KCNIP4: variants seen among roughly 807,000 people sequenced by gnomAD.
KCNIP4 encodes the protein potassium voltage-gated channel interacting protein 4.
KCNIP4 carries 12 observed loss-of-function variants against 34.0 expected under a neutral mutation model. That is an observed-to-expected ratio of 0.35 (90% CI 0.23 to 0.57). The LOEUF is 0.57. Ranked by LOEUF, KCNIP4 falls within the 20% of genes least tolerant of loss-of-function variation. The pLI, the probability that KCNIP4 is intolerant of heterozygous loss-of-function variation, is 0.83. For synonymous variants in KCNIP4, 124 were observed against 102.2 expected, an observed-to-expected ratio of 1.21 and a Z score of -1.29; for missense variants, 238 against 311.7, an observed-to-expected ratio of 0.76 and a Z score of 1.78.
rs1434467707 is a variant in KCNIP4, at chr4:21,761,159, T to C, written c.61+187412A>G. Among the ~76,000 whole-genome samples the C allele has an allele frequency of 4.6e-5, 7 of 152,232 alleles. No homozygotes were observed. In the East Asian group the frequency reaches 1.4e-3, roughly 29 times the overall value. On this transcript the variant is annotated intron_variant, in intron 1 of 8. Transcript: ENST00000382152. ...CTCTGTTGCCCAGGCTGGAGTGCTG[T>C]AGCATGATCATAACTCACTATAGCC...
intron 1 of KCNIP4, among the ~76,000 whole-genome samples, chr4:21,876,961 T>C (rs1726155083): frequency 6.6e-6 from 1 of 151,542 alleles, no homozygotes; most frequent in African/African-American, 2.4e-5. Flanking sequence ...CAGGCACCAC[T>C]CAATTGCCTG....
chr4:20,842,581 C>CAAAAAAAAAAGAAAAAAAAAAAA (rs1719879996), intron 3 of KCNIP4, among the ~76,000 whole-genome samples: 1 of 69,688 alleles, frequency 1.4e-5, no homozygotes, highest in African/African-American at 5.9e-5. Flanking sequence ...CTTCTAATGG[C>CAAAAAAAAAAGAAAAAAAAAAAA]AAAAAAAAAA....
At chr4:21,731,095 C>T (rs971330944) in intron 1 of KCNIP4, among the ~76,000 whole-genome samples, 7 of 141,072 alleles carry the variant, frequency 5.0e-5, no homozygotes, top group Non-Finnish European at 7.5e-5. Context: ...GCCTGGGCAA[C>T]TGAAGTAAGA....
chr4:21,947,791 A>C (rs554723288), intron 1 of KCNIP4, among the ~76,000 whole-genome samples: 1 of 152,286 alleles, frequency 6.6e-6, no homozygotes, highest in South Asian at 2.1e-4. Context: ...CTCCTGTAAA[A>C]TACTCTGTAC....
chr4:21,187,089 T>A (rs1224412205), intron 1 of KCNIP4, among the ~76,000 whole-genome samples: 1 of 152,236 alleles, frequency 6.6e-6, no homozygotes, highest in East Asian at 1.9e-4. Context: ...TTTATTTTAT[T>A]CTCAGCAATA....
intron 2 of KCNIP4, among the ~76,000 whole-genome samples, chr4:20,854,144 C>G (rs1397017711): frequency 1.1e-4 from 16 of 152,150 alleles, no homozygotes; most frequent in Admixed American, 1.0e-3. Flanking sequence ...TACTGAGCAT[C>G]CGCCCAAAGG....
At chr4:21,661,025 T>G (rs1748407823) in intron 1 of KCNIP4, among the ~76,000 whole-genome samples, 1 of 151,934 alleles carries the variant, frequency 6.6e-6, no homozygotes, top group Non-Finnish European at 1.5e-5. Flanking sequence ...TGTGCCCATA[T>G]AAACCCCAAG....
chr4:21,243,551 G>T (rs1467125294), intron 1 of KCNIP4, among the ~76,000 whole-genome samples: 1 of 152,198 alleles, frequency 6.6e-6, no homozygotes, highest in Non-Finnish European at 1.5e-5. Context: ...ATGGGGCATG[G>T]AGGTTGACTA....
At chr4:20,925,890 G>T (rs1363310735) in intron 1 of KCNIP4, among the ~76,000 whole-genome samples, 1 of 152,066 alleles carries the variant, frequency 6.6e-6, no homozygotes, top group African/African-American at 2.4e-5. Flanking sequence ...AGTCACATAG[G>T]ACTCACTTAA....
chr4:21,626,775 G>A (rs941092430), intron 1 of KCNIP4, among the ~76,000 whole-genome samples: 4 of 152,040 alleles, frequency 2.6e-5, no homozygotes, highest in Non-Finnish European at 5.9e-5. Flanking sequence ...AGTCATATGG[G>A]TTCTTTTTTC....
intron 1 of KCNIP4, among the ~76,000 whole-genome samples, chr4:21,705,872 T>C (rs541163239): frequency 1.3e-4 from 20 of 152,194 alleles, no homozygotes; most frequent in Non-Finnish European, 2.4e-4. Flanking sequence ...AGAAGGTTCA[T>C]TTTTCACATT....
intron 1 of KCNIP4, among the ~76,000 whole-genome samples, chr4:21,528,671 AAAAC>A (rs1163474562): frequency 0.081 from 9,356 of 115,222 alleles, 1,494 homozygotes; most frequent in Non-Finnish European, 0.1. Flanking sequence ...TGTCTCATAA[AAAAC>A]AAAGAAAGAA....
intron 1 of KCNIP4, among the ~76,000 whole-genome samples, chr4:21,794,317 T>G (rs1197132388): frequency 6.6e-6 from 1 of 152,136 alleles, no homozygotes; most frequent in Non-Finnish European, 1.5e-5. Context: ...AAGATAACAT[T>G]GATTGGATCA....
At chr4:21,860,265 C>T (rs949499303) in intron 1 of KCNIP4, among the ~76,000 whole-genome samples, 1 of 152,068 alleles carries the variant, frequency 6.6e-6, no homozygotes, top group Admixed American at 6.6e-5. Flanking sequence ...TCCCAAGTAG[C>T]TGAGATTACA....
rs182861136 is a variant in KCNIP4, at chr4:21,214,704, G to T, written c.62-331995C>A. Among the ~76,000 whole-genome samples, 27 of 152,170 alleles carry T rather than the reference G, an allele frequency of 1.8e-4. No homozygotes were observed. The East Asian group carries it at 5.2e-3, about 29-fold the overall frequency. The stretch of plus-strand genomic sequence containing the variant: ...GTTAAACCTCTTAATATAGAGAGAG[G>T]TATATATGAAATTTATCTTAAACCA... On this transcript the variant is annotated intron_variant, in intron 1 of 8. Coordinates refer to ENST00000382152, the MANE Select transcript of KCNIP4 (RefSeq NM_025221.6).
At chr4:21,279,138 T>C (rs1268074296) in intron 1 of KCNIP4, among the ~76,000 whole-genome samples, 2 of 152,228 alleles carry the variant, frequency 1.3e-5, no homozygotes, top group Non-Finnish European at 2.9e-5. Context: ...AAACGTAATA[T>C]GGCTTGCCAT....
rs1029348679 is a variant in KCNIP4 at position 20,983,695 on chromosome 4, C to T, written c.62-100986G>A. 6.4e-6 allele frequency: 5 copies of T among 780,294 alleles called. No individual in the cohort carries two copies. In the African/African-American group the frequency reaches 7.0e-5, roughly 11 times the overall value. 48.3% of individuals were successfully genotyped at this position (780,294 alleles called of 1,614,324 possible). A position where few individuals can be genotyped will look rare whatever the true frequency, so the allele number is the denominator to read the frequency against. On this transcript the variant is annotated intron_variant, in intron 1 of 8. Transcript: ENST00000382152. Reference sequence around the variant, plus strand: ...GTCCAGCCACTAGGATGCTCTATGCCAAACATGCATATTTTAAAACTTTTA... The same window carrying T: ...GTCCAGCCACTAGGATGCTCTATGCTAAACATGCATATTTTAAAACTTTTA...
chr4:21,305,085 C>G (rs1712297629), intron 1 of KCNIP4, among the ~76,000 whole-genome samples: 1 of 151,894 alleles, frequency 6.6e-6, no homozygotes, highest in African/African-American at 2.4e-5. Flanking sequence ...CAATGAAATA[C>G]AGAATTTAAA....
At chr4:20,990,606 C>T (rs1737004725) in intron 1 of KCNIP4, among the ~76,000 whole-genome samples, 2 of 152,190 alleles carry the variant, frequency 1.3e-5, no homozygotes, top group South Asian at 2.1e-4. Flanking sequence ...GTAATCTTCA[C>T]ATAAACAAAT....
Sources: gnomAD v4.1 joint callset for allele counts (sites outside exome capture counted in the v4.1 genomes callset) on GRCh38, gnomAD v4.1.1 for gene constraint, MANE v1.5 for transcripts, NCBI Gene and HGNC (gene_info 2026-07-23, HGNC 2026-07-21) for gene names.